Variants in BAIAP2 observed in about 807,000 individuals in gnomAD.
BAIAP2 encodes the protein BAR/IMD domain containing adaptor protein 2, also known as BAR/IMD domain-containing adapter protein 2.
Under a neutral mutation model 63.0 loss-of-function variants are expected in BAIAP2, and 18 were observed. The observed-to-expected ratio is 0.29, with a 90% CI of 0.20 to 0.42. The LOEUF (loss-of-function observed/expected upper bound fraction) is 0.42. BAIAP2 is among the 10% of genes least tolerant of loss of function. The pLI is 1.00. For missense variants in BAIAP2, 610 were observed against 734.3 expected (o/e 0.83, Z 1.96); for synonymous variants, 386 against 307.6 (o/e 1.25, Z -2.67).
In BAIAP2 at chr17:81,057,987, C is replaced by CTG; in HGVS notation, c.217+20_217+21insTG. On this transcript the variant is annotated intron_variant, in intron 3 of 13. Transcript: ENST00000428708. Reference sequence around the variant, plus strand: ...AACTCGGTGAGACCCCCCCCCCCCCCCCGCCTGGTAGTCGCCTGATGCCCT... The same window carrying CTG: ...AACTCGGTGAGACCCCCCCCCCCCCCTGCCGCCTGGTAGTCGCCTGATGCCCT... 1 of 1,149,230 alleles carries CTG rather than the reference C, an allele frequency of 8.7e-7. No individual in the cohort carries two copies. The highest frequency in any genetic ancestry group is 1.1e-6 in the Non-Finnish European group (1 of 870,132). 71.2% of individuals were successfully genotyped at this position (1,149,230 alleles called of 1,614,324 possible). A position where few individuals can be genotyped will look rare whatever the true frequency, so the allele number is the denominator to read the frequency against.
rs147422850 is a variant in BAIAP2, at chr17:81,069,453, C to T, written c.217+11486C>T. Among the ~76,000 whole-genome samples, 732 of 152,210 alleles carry T rather than the reference C, an allele frequency of 4.8e-3. 11 individuals are homozygous for T. Among genetic ancestry groups the T allele is most frequent in the African/African-American group, 0.017 (710 of 41,534 alleles). On this transcript the variant is annotated intron_variant, in intron 3 of 13. Transcript: ENST00000428708. ...TGGTCAGAGAGGCTGGGGAGTGGTCCACGGGGCGGCCGGTCTGAACTGCCC... is the reference window on the plus strand; with the variant it reads ...TGGTCAGAGAGGCTGGGGAGTGGTCTACGGGGCGGCCGGTCTGAACTGCCC...
chr17:81,035,961 C>T (rs931814634), intron 1 of BAIAP2: 1 of 152,200 alleles, frequency 6.6e-6, no homozygotes, highest in Admixed American at 6.5e-5. Flanking sequence ...TATGTAACCG[C>T]GGAGAGAGAA....
intron 3 of BAIAP2, among the ~76,000 whole-genome samples, chr17:81,077,446 C>T (rs2053841473): frequency 6.6e-6 from 1 of 151,940 alleles, no homozygotes; most frequent in Non-Finnish European, 1.5e-5. Flanking sequence ...CGCACATCTG[C>T]AGTCCCAGCT....
At chr17:81,049,536 T>TC (rs2048341766) in intron 1 of BAIAP2, among the ~76,000 whole-genome samples, 2 of 152,168 alleles carry the variant, frequency 1.3e-5, no homozygotes, top group African/African-American at 4.8e-5. Flanking sequence ...ACTTTCCCGA[T>TC]CTCCTCCCCA....
chr17:81,108,414 C>T (rs547170614), intron 12 of BAIAP2, 61 bp from the exon 13 acceptor site: 109 of 1,579,440 alleles, frequency 6.9e-5, no homozygotes, highest in African/African-American at 2.3e-4. Flanking sequence ...GTACAGGCAG[C>T]GGGTGGGGGT....
In BAIAP2 at chr17:81,116,182, C is replaced by A; in HGVS notation, c.*343C>A. On this transcript the variant is annotated 3_prime_UTR_variant, in exon 14 of 14. Coordinates refer to ENST00000428708, the MANE Select transcript of BAIAP2 (RefSeq NM_001144888.2). ...GCTGGTGGCTGGGAGGGGAGCCTGGCTGCCCTGCTGCTTCTCCTGCCTAAT... is the reference window on the plus strand; with the variant it reads ...GCTGGTGGCTGGGAGGGGAGCCTGGATGCCCTGCTGCTTCTCCTGCCTAAT... 11 of 1,607,214 alleles carry A rather than the reference C, an allele frequency of 6.8e-6. No homozygotes were observed. Among genetic ancestry groups the A allele is most frequent in the Non-Finnish European group, 9.4e-6 (11 of 1,176,370 alleles).
At chr17:81,106,016 G>A in intron 10 of BAIAP2, 62 bp from the exon 11 acceptor site, 2 of 1,447,774 alleles carry the variant, frequency 1.4e-6, no homozygotes, top group Non-Finnish European at 1.9e-6. Context: ...ATGGATGGTG[G>A]TCGGTGGGGG....
chr17:81,045,407 C>T (rs1039146714), intron 1 of BAIAP2, among the ~76,000 whole-genome samples: 9 of 152,160 alleles, frequency 5.9e-5, no homozygotes, highest in African/African-American at 1.4e-4. Context: ...GCATTTGTCC[C>T]TGTTGTTTTT....
Position 81,115,754 on chromosome 17 carries a change from C to T in BAIAP2, c.1536-16C>T, listed in dbSNP as rs952436641. On this transcript the variant is annotated splice_polypyrimidine_tract_variant and intron_variant, in intron 13 of 13. Transcript: ENST00000428708. ...GCTTCCGCCCTAAAAATTAAAACCA[C>T]GTTTTTCTCTTTCAGGAATCCCTTT... The T allele has an allele frequency of 3.1e-6, 5 of 1,613,512 alleles. No homozygotes were observed. In the Admixed American group the frequency reaches 5.0e-5, roughly 16 times the overall value.
intron 9 of BAIAP2, 31 bp downstream of exon 9, chr17:81,104,139 G>T: frequency 2.5e-6 from 4 of 1,608,872 alleles, no homozygotes; most frequent in Non-Finnish European, 3.4e-6. Context: ...TTGGGCTGGG[G>T]TCCCTGGACG....
intron 13 of BAIAP2, among the ~76,000 whole-genome samples, chr17:81,112,043 G>C (rs952700797): frequency 6.6e-6 from 1 of 152,242 alleles, no homozygotes; most frequent in African/African-American, 2.4e-5. Flanking sequence ...GTAGAAAAAT[G>C]CTCCTGAACT....
intron 1 of BAIAP2, among the ~76,000 whole-genome samples, chr17:81,036,432 G>A (rs770593986): frequency 2.0e-5 from 3 of 152,238 alleles, no homozygotes; most frequent in Non-Finnish European, 2.9e-5. Context: ...TGTGGTAGGC[G>A]GCCAAGGCGT....
intron 3 of BAIAP2, among the ~76,000 whole-genome samples, chr17:81,077,771 G>A (rs912267914): frequency 5.3e-5 from 8 of 152,264 alleles, no homozygotes; most frequent in Admixed American, 2.6e-4. Flanking sequence ...TGTGGGTACC[G>A]TTTTGGGTGG....
In BAIAP2 at chr17:81,110,831, C is replaced by A. The variant is rs533610318; in HGVS notation, c.1535+2322C>A. 3 of 1,554,864 alleles carry A rather than the reference C, an allele frequency of 1.9e-6. No homozygotes were observed. In the African/African-American group the frequency reaches 4.1e-5, roughly 21 times the overall value. On this transcript the variant is annotated intron_variant, in intron 13 of 13. Coordinates refer to ENST00000428708, the MANE Select transcript of BAIAP2 (RefSeq NM_001144888.2). ...TCCAGGGTTCTAGGTCTCCTGGCAGCTCGCCCGTGGTCCCCCCTCCTCTGC... is the reference window on the plus strand; with the variant it reads ...TCCAGGGTTCTAGGTCTCCTGGCAGATCGCCCGTGGTCCCCCCTCCTCTGC...
chr17:81,104,002 G>A lies in BAIAP2; in HGVS notation c.960G>A (p.Gln320=), dbSNP rs2058822718. ...CGTGGGCTGACCGCAAGGCTGCCCA[G>A]CCCAAATCCCTGTCTCCTCCGCAGT... ...YSPWADRKAA[Q]PKSLSPPQSQ... The change falls in exon 9 of 14, where the codon CAG becomes CAA. Residue 320 remains glutamine (Q), a synonymous_variant. Transcript: ENST00000428708. The A allele has an allele frequency of 6.2e-7, 1 of 1,613,212 alleles. No homozygotes were observed. The highest frequency in any genetic ancestry group is 1.3e-5 in the African/African-American group (1 of 75,066).
chr17:81,060,082 C>T (rs1318389913), intron 3 of BAIAP2, among the ~76,000 whole-genome samples: 1 of 152,304 alleles, frequency 6.6e-6, no homozygotes, highest in East Asian at 1.9e-4. Context: ...CCCCGGGCTC[C>T]TCCTGGAGCG....
In BAIAP2 at chr17:81,106,162, A is replaced by G. The variant is rs1218765330; in HGVS notation, c.1337+16A>G. The G allele has an allele frequency of 6.4e-7, 1 of 1,568,604 alleles. No individual in the cohort carries two copies. The highest frequency in any genetic ancestry group is 1.3e-5 in the African/African-American group (1 of 74,300). Reference sequence around the variant, plus strand: ...TGCACATGAGGTGAGCTCTGGGCCCAACGGGAGTGTAAGATCCCCAGCTCG... The same window carrying G: ...TGCACATGAGGTGAGCTCTGGGCCCGACGGGAGTGTAAGATCCCCAGCTCG... On this transcript the variant is annotated intron_variant, in intron 11 of 13. Coordinates refer to ENST00000428708, the MANE Select transcript of BAIAP2 (RefSeq NM_001144888.2).
chr17:81,109,242 A>G (rs1311115576), intron 13 of BAIAP2: 1 of 1,358,116 alleles, frequency 7.4e-7, no homozygotes, highest in African/African-American at 1.5e-5. Context: ...TTTTGAGCAG[A>G]AACTGCCAGG....
chr17:81,066,223 G>T (rs933936686), intron 3 of BAIAP2, among the ~76,000 whole-genome samples: 1 of 152,220 alleles, frequency 6.6e-6, no homozygotes, highest in African/African-American at 2.4e-5. Context: ...GGGCGTGTGT[G>T]TACCTGCTGG....
Sources: allele counts gnomAD v4.1 joint callset (sites outside exome capture counted in the v4.1 genomes callset), GRCh38; gene constraint gnomAD v4.1.1; transcripts MANE v1.5; gene names NCBI Gene and HGNC (gene_info 2026-07-23, HGNC 2026-07-21).